BACH2: variants seen among roughly 807,000 people sequenced by gnomAD.
BACH2 encodes transcription regulator protein BACH2.
Under a neutral mutation model 61.8 loss-of-function variants are expected in BACH2, and 5 were observed. The ratio of observed to expected loss-of-function variants is 0.08; its 90% CI spans 0.04 to 0.17. BACH2 has a LOEUF of 0.17. Ranked by LOEUF, BACH2 falls within the 10% of genes least tolerant of loss-of-function variation. The pLI is 1.00. For synonymous variants in BACH2, 446 were observed against 440.1 expected, an observed-to-expected ratio of 1.01 and a Z score of -0.17; for missense variants, 824 against 1,091.1, an observed-to-expected ratio of 0.76 and a Z score of 3.45.
intron 5 of BACH2, among the ~76,000 whole-genome samples, chr6:90,014,865 A>G (rs1201260432): frequency 6.6e-6 from 1 of 151,918 alleles, no homozygotes; most frequent in Non-Finnish European, 1.5e-5. Flanking sequence ...TGCAACCTCA[A>G]ACTCCTGGGG....
intron 4 of BACH2, among the ~76,000 whole-genome samples, chr6:90,135,050 GC>G (rs1784224685): frequency 6.6e-6 from 1 of 152,086 alleles, no homozygotes; most frequent in Non-Finnish European, 1.5e-5. Context: ...TTTTTCTCCT[GC>G]CCCAATGGAG....
intron 4 of BACH2, among the ~76,000 whole-genome samples, chr6:90,114,081 C>T (rs1157313940): frequency 1.3e-5 from 2 of 152,078 alleles, no homozygotes; most frequent in African/African-American, 2.4e-5. Flanking sequence ...CTGAATCCCA[C>T]CAGATGTACA....
chr6:90,102,728 TA>T (rs1256145600), intron 4 of BACH2, among the ~76,000 whole-genome samples: 1 of 150,640 alleles, frequency 6.6e-6, no homozygotes, highest in Non-Finnish European at 1.5e-5. Context: ...AGGCAGAGGT[TA>T]CAGTGAGCCG....
chr6:90,100,947 G>T (rs953125564), intron 4 of BACH2, among the ~76,000 whole-genome samples: 1 of 152,114 alleles, frequency 6.6e-6, no homozygotes. Context: ...CCATCCTAGT[G>T]GGGGTAAAGT....
intron 5 of BACH2, among the ~76,000 whole-genome samples, chr6:90,014,456 ATATATATATATATTT>A (rs1777921486): frequency 2.6e-5 from 2 of 76,940 alleles, no homozygotes; most frequent in East Asian, 6.5e-4. Flanking sequence ...ATATATATAT[ATATATATATATATTT>A]TTTTTTTTTT....
chr6:90,095,779 T>TCTCCA (rs1562440642), intron 4 of BACH2, among the ~76,000 whole-genome samples: 4 of 151,434 alleles, frequency 2.6e-5, no homozygotes, highest in Non-Finnish European at 4.4e-5. Flanking sequence ...CATCATCATC[T>TCTCCA]CCACCACCAC....
chr6:90,239,798 T>TAC (rs59169449), intron 3 of BACH2, among the ~76,000 whole-genome samples: 3,815 of 132,232 alleles, frequency 0.029, 70 homozygotes, highest in East Asian at 0.054. Flanking sequence ...GGGGGGGGAA[T>TAC]ACACACACAC....
chr6:90,096,184 A>G (rs1267591501), intron 4 of BACH2, among the ~76,000 whole-genome samples: 6 of 152,234 alleles, frequency 3.9e-5, no homozygotes, highest in East Asian at 1.9e-4. Context: ...TTCATGAAGC[A>G]TAATTTCTTA....
At chr6:90,267,196 C>A (rs1411685073) in intron 2 of BACH2, among the ~76,000 whole-genome samples, 1 of 152,066 alleles carries the variant, frequency 6.6e-6, no homozygotes. Flanking sequence ...ATATAAACCC[C>A]AACCACTGAG....
intron 6 of BACH2, among the ~76,000 whole-genome samples, chr6:90,003,768 A>G (rs9344982): frequency 6.6e-6 from 1 of 152,188 alleles, no homozygotes; most frequent in Non-Finnish European, 1.5e-5. Flanking sequence ...ACTCTTTTTC[A>G]GGTAAAGAGT....
chr6:90,090,817 T>C (rs9451352), intron 4 of BACH2, among the ~76,000 whole-genome samples: 8,817 of 152,062 alleles, frequency 0.058, 835 homozygotes, highest in African/African-American at 0.2. Flanking sequence ...TCTAGAGTAG[T>C]GAGGCCTTGT....
intron 4 of BACH2, among the ~76,000 whole-genome samples, chr6:90,127,697 G>T (rs1783913450): frequency 6.6e-6 from 1 of 152,114 alleles, no homozygotes; most frequent in Non-Finnish European, 1.5e-5. Context: ...AAGCCAGGTG[G>T]GACAGCTAGT....
rs1191601882 is a variant in BACH2, at chr6:89,929,310, CAG to C, written c.*3096_*3097del. On this transcript the variant is annotated 3_prime_UTR_variant, in exon 9 of 9. Coordinates refer to ENST00000257749, the MANE Select transcript of BACH2 (RefSeq NM_021813.4). The stretch of plus-strand genomic sequence containing the variant: ...TTTTTCCTAAAAGGCGTGGGGTTGA[CAG>C]AGGGATCCCAGGGAAAAGAGACAGG... The C allele has an allele frequency of 6.6e-6, 1 of 152,204 alleles. No homozygotes were observed. The highest frequency in any genetic ancestry group is 1.5e-5 in the Non-Finnish European group (1 of 68,064). 9.4% of individuals were successfully genotyped at this position (152,204 alleles called of 1,614,324 possible). A position where few individuals can be genotyped will look rare whatever the true frequency, so the allele number is the denominator to read the frequency against.
intron 6 of BACH2, among the ~76,000 whole-genome samples, chr6:89,960,956 A>T (rs1774708976): frequency 6.6e-6 from 1 of 152,236 alleles, no homozygotes; most frequent in South Asian, 2.1e-4. Context: ...GAAGGTCCCA[A>T]AAGCAAACAT....
intron 2 of BACH2, among the ~76,000 whole-genome samples, chr6:90,254,552 ATATGTTTGGC>A (rs1167050371): frequency 2.0e-5 from 3 of 152,014 alleles, no homozygotes; most frequent in Non-Finnish European, 4.4e-5. Flanking sequence ...ATCACACACA[ATATGTTTGGC>A]TTTAAGAAAA....
At chr6:90,167,038 C>A (rs914122038) in intron 4 of BACH2, among the ~76,000 whole-genome samples, 32 of 152,118 alleles carry the variant, frequency 2.1e-4, no homozygotes, top group Admixed American at 6.5e-4. Context: ...CACATGTACC[C>A]TAAAACTTAA....
intron 6 of BACH2, among the ~76,000 whole-genome samples, chr6:89,968,909 G>A (rs9344976): frequency 0.49 from 74,021 of 151,736 alleles, 18,276 homozygotes; most frequent in Middle Eastern, 0.52. Flanking sequence ...TACTTGGGGG[G>A]CTGAGGCAGG....
At chr6:90,109,414 C>T (rs1411604469) in intron 4 of BACH2, among the ~76,000 whole-genome samples, 1 of 152,164 alleles carries the variant, frequency 6.6e-6, no homozygotes, top group Non-Finnish European at 1.5e-5. Flanking sequence ...TCCTCCTCTG[C>T]TCCCCATCTA....
chr6:90,176,087 T>C (rs538434601), intron 4 of BACH2, among the ~76,000 whole-genome samples: 1 of 152,368 alleles, frequency 6.6e-6, no homozygotes, highest in African/African-American at 2.4e-5. Context: ...TTTTCCCTTG[T>C]GGCCCTGCGT....
Sources: allele counts gnomAD v4.1 joint callset (sites outside exome capture counted in the v4.1 genomes callset), GRCh38; gene constraint gnomAD v4.1.1; transcripts MANE v1.5; gene names NCBI Gene and HGNC (gene_info 2026-07-23, HGNC 2026-07-21).